Variants in NRG1 observed in about 807,000 individuals in gnomAD.
NRG1 encodes the protein neuregulin 1.
In NRG1, 18 loss-of-function variants were observed where a neutral mutation model predicts 63.8. That is an observed-to-expected ratio of 0.28 (90% CI 0.19 to 0.42). The LOEUF (loss-of-function observed/expected upper bound fraction) is 0.42. Among genes scored for constraint, NRG1 ranks in the 10% least tolerant of loss-of-function variants. The pLI is 1.00. For missense variants in NRG1, 762 were observed against 814.7 expected (o/e 0.94, Z 0.79); for synonymous variants, 302 against 301.3 (o/e 1.00, Z -0.02).
intron 1 of NRG1, among the ~76,000 whole-genome samples, chr8:32,531,633 T>C (rs576203333): frequency 7.9e-5 from 12 of 152,304 alleles, no homozygotes; most frequent in Admixed American, 3.3e-4. Context: ...ACCTAAAAAC[T>C]TTTGCAACTT....
At chr8:32,433,061 A>G (rs1310552993) in intron 1 of NRG1, among the ~76,000 whole-genome samples, 2 of 152,162 alleles carry the variant, frequency 1.3e-5, no homozygotes, top group African/African-American at 4.8e-5. Context: ...GGGCTCTTGC[A>G]CATGGCACAT....
chr8:31,851,303 G>A (rs1827191024), intron 1 of NRG1, among the ~76,000 whole-genome samples: 2 of 152,154 alleles, frequency 1.3e-5, no homozygotes, highest in African/African-American at 4.8e-5. Flanking sequence ...CATGTCTTTG[G>A]GAAAATGTCT....
chr8:32,440,440 T>C (rs904100154), intron 1 of NRG1, among the ~76,000 whole-genome samples: 12 of 152,164 alleles, frequency 7.9e-5, no homozygotes, highest in Non-Finnish European at 1.8e-4. Context: ...ATTACAGGTG[T>C]GAGCCAGTAC....
At chr8:32,764,538 T>C (rs1564144374) in exon 12 of NRG1, 3 of 799,358 alleles carry the variant, frequency 3.8e-6, no homozygotes, top group African/African-American at 3.5e-5. Context: ...ATAAATTAAA[T>C]ATATGTATGT....
chr8:32,536,838 G>T (rs1412261632), intron 1 of NRG1, among the ~76,000 whole-genome samples: 1 of 145,200 alleles, frequency 6.9e-6, no homozygotes, highest in Non-Finnish European at 1.5e-5. Context: ...GCAGAAGAAT[G>T]GTGTGAACCC....
chr8:32,027,538 A>G (rs559252053), intron 1 of NRG1, among the ~76,000 whole-genome samples: 1 of 129,708 alleles, frequency 7.7e-6, no homozygotes, highest in African/African-American at 2.8e-5. Flanking sequence ...CTTTTTGCTC[A>G]TGCTTGTGTG....
intron 5 of NRG1, among the ~76,000 whole-genome samples, chr8:32,673,722 T>A (rs1806309739): frequency 6.6e-6 from 1 of 152,210 alleles, no homozygotes; most frequent in African/African-American, 2.4e-5. Flanking sequence ...GCCTTTGAAC[T>A]GTGAAAATCC....
chr8:31,999,880 A>G (rs949046238), intron 1 of NRG1, among the ~76,000 whole-genome samples: 1 of 151,872 alleles, frequency 6.6e-6, no homozygotes, highest in Non-Finnish European at 1.5e-5. Flanking sequence ...TTTTTTTTCT[A>G]ATTGGCAAAG....
At chr8:32,180,500 G>T (rs1841319394) in intron 1 of NRG1, among the ~76,000 whole-genome samples, 1 of 151,846 alleles carries the variant, frequency 6.6e-6, no homozygotes, top group South Asian at 2.1e-4. Context: ...ACTTCTTTAG[G>T]TGCATTAAGT....
chr8:31,684,699 T>C lies in NRG1; in HGVS notation c.37+45268T>C, dbSNP rs77453402. ...TCACTTTTTTTCAACGTGTGATGTATATATTACTGATCATGTGCAGGACAG... is the reference window on the plus strand; with the variant it reads ...TCACTTTTTTTCAACGTGTGATGTACATATTACTGATCATGTGCAGGACAG... On this transcript the variant is annotated intron_variant, in intron 1 of 10. Transcript: ENST00000519301. Among the ~76,000 whole-genome samples, 1,994 of 152,192 alleles carry C rather than the reference T, an allele frequency of 0.013. 63 individuals carry two copies. The South Asian group carries it at 0.14, about 11-fold the overall frequency.
intron 1 of NRG1, among the ~76,000 whole-genome samples, chr8:31,879,128 A>T (rs969646720): frequency 6.6e-6 from 1 of 152,150 alleles, no homozygotes; most frequent in African/African-American, 2.4e-5. Context: ...AGGGATGACC[A>T]CTCACCTGCA....
chr8:32,056,701 T>C (rs893195490), intron 1 of NRG1, among the ~76,000 whole-genome samples: 1 of 152,204 alleles, frequency 6.6e-6, no homozygotes, highest in Non-Finnish European at 1.5e-5. Context: ...ATACCTCTAT[T>C]TCTTCACTAC....
intron 1 of NRG1, among the ~76,000 whole-genome samples, chr8:31,772,608 T>A (rs1818734254): frequency 6.6e-6 from 1 of 152,120 alleles, no homozygotes; most frequent in African/African-American, 2.4e-5. Context: ...GTTGGTCTGA[T>A]CAAGGGAGTC....
chr8:32,366,713 A>ATATC (rs1358090122), intron 1 of NRG1, among the ~76,000 whole-genome samples: 5 of 87,276 alleles, frequency 5.7e-5, no homozygotes, highest in Admixed American at 2.5e-4. Context: ...ATATATATAT[A>ATATC]TCTCACTTTT....
intron 1 of NRG1, among the ~76,000 whole-genome samples, chr8:32,563,203 A>G (rs755203923): frequency 2.3e-4 from 35 of 152,164 alleles, no homozygotes; most frequent in Non-Finnish European, 4.1e-4. Flanking sequence ...TCTTCTTCCA[A>G]TGTGGCCCAG....
rs188980081 is a variant in NRG1 at position 32,419,868 on chromosome 8, T to C, written c.38-175960T>C. On this transcript the variant is annotated intron_variant, in intron 1 of 10. Coordinates refer to the NRG1 transcript ENST00000519301. ...GTGAAACATTGTCTGTCTCTCTCCA[T>C]AGTCCAGAAAAATCTGTGGGGTAAT... 3.3e-5 allele frequency among the ~76,000 whole-genome samples: 5 copies of C among 152,304 alleles called. No homozygotes were observed. In the East Asian group the frequency reaches 7.7e-4, roughly 24 times the overall value.
At chr8:32,667,833 A>G (rs1237568719) in intron 5 of NRG1, among the ~76,000 whole-genome samples, 1 of 152,188 alleles carries the variant, frequency 6.6e-6, no homozygotes, top group Non-Finnish European at 1.5e-5. Flanking sequence ...TCTTTGAATT[A>G]TTTATAAAAA....
chr8:32,423,517 C>T (rs1189523965), intron 1 of NRG1, among the ~76,000 whole-genome samples: 1 of 152,116 alleles, frequency 6.6e-6, no homozygotes, highest in East Asian at 1.9e-4. Flanking sequence ...TGGTGGCTCT[C>T]GCCAGTGGTC....
intron 1 of NRG1, among the ~76,000 whole-genome samples, chr8:32,402,255 G>A (rs1813308312): frequency 2.0e-5 from 3 of 152,084 alleles, no homozygotes; most frequent in East Asian, 1.9e-4. Context: ...CTTACCCTTT[G>A]TAGCTCATTG....
Sources: gnomAD v4.1 joint callset for allele counts (sites outside exome capture counted in the v4.1 genomes callset) on GRCh38, gnomAD v4.1.1 for gene constraint, MANE v1.5 for transcripts, NCBI Gene and HGNC (gene_info 2026-07-23, HGNC 2026-07-21) for gene names.